MBD1: variants seen among roughly 807,000 people sequenced by gnomAD.
MBD1 encodes methyl-CpG-binding domain protein 1.
MBD1 carries 25 observed loss-of-function variants against 82.6 expected under a neutral mutation model. The ratio of observed to expected loss-of-function variants is 0.30; its 90% CI spans 0.22 to 0.42. The LOEUF (loss-of-function observed/expected upper bound fraction) is 0.42. Ranked by LOEUF, MBD1 falls within the 10% of genes least tolerant of loss-of-function variation. MBD1 has a pLI of 1.00. For missense variants in MBD1, 627 were observed against 819.6 expected (o/e 0.76, Z 2.87); for synonymous variants, 301 against 303.7 (o/e 0.99, Z 0.09).
At chr18:50,274,867 A>G (rs2037121231) in intron 10 of MBD1, 110 bp downstream of exon 10, 1 of 1,122,678 alleles carries the variant, frequency 8.9e-7, no homozygotes, top group East Asian at 2.5e-5. Flanking sequence ...CCTAGGACCC[A>G]TTATTGTGCC....
chr18:50,275,773 C>A, intron 7 of MBD1, 45 bp from the exon 8 acceptor site: 1 of 1,614,158 alleles, frequency 6.2e-7, no homozygotes, highest in South Asian at 1.1e-5. Flanking sequence ...AAGCATGGGG[C>A]CAAGCCCATG....
At chr18:50,276,106 A>G in intron 6 of MBD1, 125 bp from the exon 7 acceptor site, 1 of 1,268,506 alleles carries the variant, frequency 7.9e-7, no homozygotes, top group Non-Finnish European at 1.1e-6. Context: ...TCATCACCGT[A>G]TCTGAGAAGG....
chr18:50,271,618 A>G, intron 15 of MBD1, 78 bp from the exon 16 acceptor site: 1 of 1,475,114 alleles, frequency 6.8e-7, no homozygotes. Context: ...ACCATTTCCT[A>G]CTATTCTGTG....
chr18:50,280,920 C>T (rs1555699922), intron 1 of MBD1, among the ~76,000 whole-genome samples: 1 of 152,080 alleles, frequency 6.6e-6, no homozygotes, highest in Non-Finnish European at 1.5e-5. Context: ...TCATGCCATC[C>T]CTAACTGTCA....
chr18:50,271,160 C>G (rs2035348773), intron 16 of MBD1: 1 of 1,208,924 alleles, frequency 8.3e-7, no homozygotes, highest in African/African-American at 1.5e-5. Flanking sequence ...ATGAACATGG[C>G]TTGTTTAGGT....
intron 1 of MBD1, among the ~76,000 whole-genome samples, chr18:50,280,482 C>T (rs1950617320): frequency 6.6e-6 from 1 of 151,874 alleles, no homozygotes; most frequent in African/African-American, 2.4e-5. Context: ...TCTCATTCCC[C>T]CCTTCCTTGA....
chr18:50,281,341 T>C, intron 1 of MBD1, 22 bp downstream of exon 1: 1 of 999,166 alleles, frequency 1.0e-6, no homozygotes, highest in Non-Finnish European at 1.5e-6. Context: ...GCTCTCCACG[T>C]CCAGCCCCAA....
chr18:50,274,527 C>A (rs964237688), intron 10 of MBD1, among the ~76,000 whole-genome samples, 174 bp from the exon 11 acceptor site: 2 of 152,206 alleles, frequency 1.3e-5, no homozygotes, highest in African/African-American at 4.8e-5. Flanking sequence ...GCTAGTTCAA[C>A]ATTGGCCACT....
intron 15 of MBD1, 148 bp downstream of exon 15, chr18:50,272,529 C>T (rs751401659): frequency 2.9e-5 from 25 of 855,180 alleles, no homozygotes; most frequent in Admixed American, 1.0e-4. Context: ...CCTACACACA[C>T]GCCCCTCATT....
chr18:50,280,950 C>T (rs144405480), intron 1 of MBD1, among the ~76,000 whole-genome samples: 68 of 152,242 alleles, frequency 4.5e-4, no homozygotes, highest in Non-Finnish European at 8.2e-4. Context: ...TCCCCTACTG[C>T]TCCTCGTCCT....
At chr18:50,268,001 A>G (rs2034122382), downstream of MBD1, among the ~76,000 whole-genome samples, 1 of 152,194 alleles carries the variant, frequency 6.6e-6, no homozygotes, top group Non-Finnish European at 1.5e-5. Context: ...GGTTCTTTCA[A>G]TTGCAGTTCA....
chr18:50,280,546 CT>C (rs1295079830), intron 1 of MBD1, among the ~76,000 whole-genome samples: 4 of 151,966 alleles, frequency 2.6e-5, no homozygotes, highest in African/African-American at 9.7e-5. Flanking sequence ...CATTCCTTCT[CT>C]GCCTGATGTC....
intron 6 of MBD1, 32 bp downstream of exon 6, chr18:50,276,346 A>C (rs1385335323): frequency 6.2e-7 from 1 of 1,607,762 alleles, no homozygotes; most frequent in South Asian, 1.1e-5. Context: ...CTCCCACTGC[A>C]GAGTTGTGAA....
intron 2 of MBD1, among the ~76,000 whole-genome samples, chr18:50,278,091 T>C (rs2038779517): frequency 6.6e-6 from 1 of 152,210 alleles, no homozygotes; most frequent in Non-Finnish European, 1.5e-5. Context: ...ACTGAGATGG[T>C]TACTGTGTGA....
rs1036744651 is a variant in MBD1, at chr18:50,271,407, T to C, written c.*32+62A>G. On this transcript the variant is annotated intron_variant, in intron 16 of 16. Transcript: ENST00000269468. ...TTCACACACAAGCCCTGGCAACCAATCTAGGGTCCAGCCCCTAGTAGATCA... is the reference window on the plus strand; with the variant it reads ...TTCACACACAAGCCCTGGCAACCAACCTAGGGTCCAGCCCCTAGTAGATCA... 3.7e-6 allele frequency: 6 copies of C among 1,613,026 alleles called. No individual in the cohort carries two copies. The Middle Eastern group carries it at 8.3e-4, about 222-fold the overall frequency.
rs555168076 is a variant in MBD1 at position 50,269,748 on chromosome 18, T to A, written c.*103A>T. 2 of 781,774 alleles carry A rather than the reference T, an allele frequency of 2.6e-6. No homozygotes were observed. Among genetic ancestry groups the A allele is most frequent in the Non-Finnish European group, 4.8e-6 (2 of 418,716 alleles). The allele number at this position is 781,774 out of a possible 1,614,324, so 48.4% of individuals were successfully genotyped here. On this transcript the variant is annotated 3_prime_UTR_variant, in exon 17 of 17. Transcript: ENST00000269468. ...CCTCGTGGGTTCCAGCTCGTGCTCG[T>A]GGGCTCCACTGTGTCCTCGGTCTCC... is the stretch of plus-strand genomic sequence containing the variant.
At chr18:50,271,308 C>T in intron 16 of MBD1, 161 bp downstream of exon 16, 3 of 1,515,082 alleles carry the variant, frequency 2.0e-6, no homozygotes, top group Non-Finnish European at 2.6e-6. Flanking sequence ...TTCCCGCTTA[C>T]TTCTTCTAGA....
intron 2 of MBD1, among the ~76,000 whole-genome samples, chr18:50,277,702 G>C (rs544845409): frequency 6.6e-6 from 1 of 152,222 alleles, no homozygotes; most frequent in East Asian, 1.9e-4. Context: ...CCCTGCAAGA[G>C]AGACAACGAT....
chr18:50,275,182 C>T lies in MBD1; in HGVS notation c.856G>A (p.Ala286Thr), dbSNP rs754514182. The change falls in exon 9 of 17, where the codon GCC becomes ACC. Residue 286 changes from alanine (A) to threonine (T), a missense_variant. Around this residue, in one of 6 missense-constraint regions of MBD1, gnomAD observed 228 missense variants for 318.1 expected, o/e 0.72. Transcript: ENST00000269468. Reference protein sequence around the residue: ...SKMAARRRPGAQPLPPPPPSQ... With the variant: ...SKMAARRRPGTQPLPPPPPSQ... ...GGGGGTGGTGGAGGCAGTGGCTGGG[C>T]TCCGGGGCGCCGCCTGGCAGCCATC... 12 of 1,614,064 alleles carry T rather than the reference C, an allele frequency of 7.4e-6. No homozygotes were observed. Among genetic ancestry groups the T allele is most frequent in the Non-Finnish European group, 1.0e-5 (12 of 1,179,974 alleles).
Sources: allele counts gnomAD v4.1 joint callset (sites outside exome capture counted in the v4.1 genomes callset), GRCh38; gene constraint gnomAD v4.1.1; regional missense constraint gnomAD v4.1.1; transcripts MANE v1.5; gene names NCBI Gene and HGNC (gene_info 2026-07-23, HGNC 2026-07-21).